The following ERG variants were observed in gnomAD, a reference collection of about 807,000 sequenced individuals.
The protein encoded by ERG is transcriptional regulator ERG.
Under a neutral mutation model 55.3 loss-of-function variants are expected in ERG, and 9 were observed. That is an observed-to-expected ratio of 0.16 (90% CI 0.10 to 0.28). The LOEUF (loss-of-function observed/expected upper bound fraction) is 0.28. ERG is among the 10% of genes least tolerant of loss of function. The pLI, the probability that ERG is intolerant of heterozygous loss-of-function variation, is 1.00. For synonymous variants in ERG, 223 were observed against 237.3 expected, an observed-to-expected ratio of 0.94 and a Z score of 0.55; for missense variants, 434 against 631.6, an observed-to-expected ratio of 0.69 and a Z score of 3.35.
At chr21:38,554,688 G>A (rs541392651) in intron 2 of ERG, among the ~76,000 whole-genome samples, 12 of 152,238 alleles carry the variant, frequency 7.9e-5, no homozygotes, top group East Asian at 3.9e-4. Context: ...GAGGGTAGAC[G>A]AAGGGTGAAG....
intron 1 of ERG, among the ~76,000 whole-genome samples, chr21:38,646,882 A>G (rs1324582497): frequency 6.6e-6 from 1 of 152,142 alleles, no homozygotes; most frequent in Admixed American, 6.5e-5. Flanking sequence ...GTCCCGCCAC[A>G]TGACCTGCAC....
intron 2 of ERG, among the ~76,000 whole-genome samples, chr21:38,527,606 C>T (rs2059639324): frequency 6.6e-6 from 1 of 152,132 alleles, no homozygotes; most frequent in African/African-American, 2.4e-5. Flanking sequence ...TGCCTCTGAT[C>T]CTCAGGCATG....
chr21:38,589,678 A>C (rs1488472078), upstream of ERG, among the ~76,000 whole-genome samples: 1 of 152,194 alleles, frequency 6.6e-6, no homozygotes, highest in Non-Finnish European at 1.5e-5. Context: ...TGTGAGAGCC[A>C]TCCCAGGACC....
chr21:38,535,393 G>A (rs2059702346), intron 2 of ERG, among the ~76,000 whole-genome samples: 1 of 152,118 alleles, frequency 6.6e-6, no homozygotes, highest in African/African-American at 2.4e-5. Context: ...CTGTAAAGTG[G>A]TTGTGACTAC....
chr21:38,531,970 A>AC (rs2059675417), intron 2 of ERG, among the ~76,000 whole-genome samples: 1 of 152,214 alleles, frequency 6.6e-6, no homozygotes, highest in African/African-American at 2.4e-5. Flanking sequence ...TCAAGAAAAA[A>AC]ATAAAACTGA....
chr21:38,421,160 C>T (rs1159225229), intron 3 of ERG, among the ~76,000 whole-genome samples: 2 of 152,198 alleles, frequency 1.3e-5, no homozygotes, highest in South Asian at 2.1e-4. Flanking sequence ...TTCTGAGGCA[C>T]AGCAGCAAGT....
chr21:38,576,263 C>T (rs2059994015), intron 1 of ERG, among the ~76,000 whole-genome samples: 1 of 152,204 alleles, frequency 6.6e-6, no homozygotes, highest in Admixed American at 6.5e-5. Context: ...GCTCCACACA[C>T]ATTTTCTCAT....
In ERG at chr21:38,380,356, C is replaced by A; in HGVS notation, c.*3047G>T. On this transcript the variant is annotated 3_prime_UTR_variant, in exon 10 of 10. Transcript: ENST00000288319. ...AGTGAGCCTTCTAACTGCAGCAGTCCTGACAAAGCACTTTGTGAACCCCTC... is the reference window on the plus strand; with the variant it reads ...AGTGAGCCTTCTAACTGCAGCAGTCATGACAAAGCACTTTGTGAACCCCTC... 9.4e-7 allele frequency: 1 copy of A among 1,060,030 alleles called. No homozygotes were observed. Among genetic ancestry groups the A allele is most frequent in the Non-Finnish European group, 1.1e-6 (1 of 875,970 alleles). The allele number at this position is 1,060,030 out of a possible 1,614,324, so 65.7% of individuals were successfully genotyped here. A position where few individuals can be genotyped will look rare whatever the true frequency, so the allele number is the denominator to read the frequency against.
At chr21:38,622,076 T>C (rs1397924009) in intron 1 of ERG, among the ~76,000 whole-genome samples, 1 of 152,206 alleles carries the variant, frequency 6.6e-6, no homozygotes, top group Non-Finnish European at 1.5e-5. Context: ...TCCCAGGACA[T>C]GCACGGGAGG....
intron 1 of ERG, among the ~76,000 whole-genome samples, chr21:38,477,840 C>T (rs1462268479): frequency 2.0e-5 from 3 of 152,104 alleles, no homozygotes; most frequent in African/African-American, 7.2e-5. Context: ...ATGTTACTGA[C>T]CTGTTAATGT....
intron 9 of ERG, among the ~76,000 whole-genome samples, chr21:38,390,067 G>C (rs1424426402): frequency 6.6e-6 from 1 of 152,174 alleles, no homozygotes; most frequent in African/African-American, 2.4e-5. Flanking sequence ...GTAACATCTT[G>C]GCATTTGAAT....
At chr21:38,620,730 G>A (rs960190305) in intron 1 of ERG, among the ~76,000 whole-genome samples, 8 of 152,222 alleles carry the variant, frequency 5.3e-5, no homozygotes, top group African/African-American at 1.9e-4. Context: ...CCCAAGGACA[G>A]GCTTTCTCTC....
intron 1 of ERG, among the ~76,000 whole-genome samples, chr21:38,474,309 G>A (rs2059167485): frequency 6.6e-6 from 1 of 151,890 alleles, no homozygotes; most frequent in African/African-American, 2.4e-5. Context: ...GTCACATGGA[G>A]ACTGGAAGTT....
intron 2 of ERG, among the ~76,000 whole-genome samples, chr21:38,557,432 T>G (rs1293216885): frequency 2.0e-5 from 3 of 152,206 alleles, no homozygotes; most frequent in African/African-American, 7.2e-5. Flanking sequence ...CAGACAGTGC[T>G]TCTCTAGGCT....
At chr21:38,485,853 C>A (rs147914655) in intron 1 of ERG, among the ~76,000 whole-genome samples, 1 of 152,166 alleles carries the variant, frequency 6.6e-6, no homozygotes, top group South Asian at 2.1e-4. Context: ...TCCACAGCCA[C>A]TTTCCATCCT....
chr21:38,613,036 G>A (rs34190239), intron 1 of ERG, among the ~76,000 whole-genome samples: 9,571 of 152,162 alleles, frequency 0.063, 961 homozygotes, highest in African/African-American at 0.22. Context: ...ACTAACAGGC[G>A]GGGCCCATTG....
At chr21:38,483,755 C>A (rs1044535801) in intron 1 of ERG, among the ~76,000 whole-genome samples, 1 of 151,886 alleles carries the variant, frequency 6.6e-6, no homozygotes, top group Non-Finnish European at 1.5e-5. Flanking sequence ...CCCAGCTACT[C>A]GGGAGGCTGA....
chr21:38,392,496 A>G, intron 6 of ERG, 52 bp from the exon 7 acceptor site: 1 of 1,281,374 alleles, frequency 7.8e-7, no homozygotes, highest in Non-Finnish European at 1.0e-6. Context: ...TTTTTATAAG[A>G]GATGCTTTGG....
intron 2 of ERG, among the ~76,000 whole-genome samples, chr21:38,521,249 G>A (rs1262826355): frequency 6.6e-6 from 1 of 152,098 alleles, no homozygotes; most frequent in East Asian, 1.9e-4. Flanking sequence ...TCAAAGTGCG[G>A]CTACTACACA....
Sources: gnomAD v4.1 joint callset for allele counts (sites outside exome capture counted in the v4.1 genomes callset) on GRCh38, gnomAD v4.1.1 for gene constraint, MANE v1.5 for transcripts, NCBI Gene and HGNC (gene_info 2026-07-23, HGNC 2026-07-21) for gene names.